MAST4: variants seen among roughly 807,000 people sequenced by gnomAD.
MAST4 encodes microtubule-associated serine/threonine-protein kinase 4.
A neutral mutation model predicts 162.7 loss-of-function variants in MAST4; 89 were observed. That is an observed-to-expected ratio of 0.55 (90% confidence interval 0.46 to 0.65). MAST4 has a LOEUF of 0.65. Among genes scored for constraint, MAST4 ranks in the 30% least tolerant of loss-of-function variants. The probability of loss-of-function intolerance (pLI) is 0.00; values close to 1 mark genes in which losing one functional copy is unlikely to be tolerated. For missense variants in MAST4, 3,153 were observed against 3,374.0 expected, an observed-to-expected ratio of 0.93 and a Z score of 1.62; for synonymous variants, 1,479 against 1,361.1, an observed-to-expected ratio of 1.09 and a Z score of -1.91.
chr5:66,950,787 G>A (rs182549366), intron 4 of MAST4, among the ~76,000 whole-genome samples: 2 of 152,012 alleles, frequency 1.3e-5, no homozygotes, highest in Non-Finnish European at 2.9e-5. Flanking sequence ...CCATTACTTT[G>A]GGTATATACC....
intron 4 of MAST4, among the ~76,000 whole-genome samples, chr5:66,966,025 GT>G (rs1746684039): frequency 2.0e-5 from 3 of 152,176 alleles, no homozygotes; most frequent in Non-Finnish European, 4.4e-5. Context: ...GTTCTTTATA[GT>G]TGGCCAACTG....
chr5:66,930,928 T>C (rs896178363), intron 4 of MAST4: 6 of 290,138 alleles, frequency 2.1e-5, no homozygotes, highest in Non-Finnish European at 4.2e-5. Context: ...TTCTTCCAGC[T>C]GCGTAGGGTA....
At chr5:66,743,758 CA>C (rs1752598835) in intron 1 of MAST4, among the ~76,000 whole-genome samples, 2 of 152,156 alleles carry the variant, frequency 1.3e-5, no homozygotes, top group South Asian at 4.1e-4. Context: ...TATGCTGTGC[CA>C]GGGGGCTGCT....
At chr5:66,919,469 T>C (rs1764338225) in intron 4 of MAST4, among the ~76,000 whole-genome samples, 1 of 151,952 alleles carries the variant, frequency 6.6e-6, no homozygotes, top group Admixed American at 6.5e-5. Context: ...GTGACCAGCC[T>C]GGCCAACATG....
intron 1 of MAST4, among the ~76,000 whole-genome samples, chr5:66,749,313 G>C (rs557773677): frequency 6.6e-6 from 1 of 152,222 alleles, no homozygotes; most frequent in East Asian, 1.9e-4. Flanking sequence ...TCCCACTGGG[G>C]CTAGGTCCCT....
In MAST4 at chr5:66,598,124, G is replaced by T. The variant is rs183817414; in HGVS notation, c.363+1106G>T. On this transcript the variant is annotated intron_variant, in intron 1 of 28. Coordinates refer to ENST00000403625, the MANE Select transcript of MAST4 (RefSeq NM_001164664.2). ...GCCCCCAGCCTGGAAGCAAAAACTG[G>T]ATGTGGCACAAGGTTGAGAGGAGGC... is the stretch of plus-strand genomic sequence containing the variant. 9.9e-5 allele frequency among the ~76,000 whole-genome samples: 15 copies of T among 152,246 alleles called. No individual in the cohort carries two copies. In the East Asian group the frequency reaches 2.7e-3, roughly 28 times the overall value.
At chr5:66,783,517 C>T (rs1477191175) in intron 2 of MAST4, 1 of 152,100 alleles carries the variant, frequency 6.6e-6, no homozygotes, top group Admixed American at 6.6e-5. Flanking sequence ...ATCTCTCTAT[C>T]CTGTTGGGCT....
chr5:67,005,193 G>T, intron 4 of MAST4: 1 of 695,034 alleles, frequency 1.4e-6, no homozygotes, highest in South Asian at 1.5e-5. Flanking sequence ...TGTATTGGGT[G>T]ACACTTTGAA....
intron 4 of MAST4, among the ~76,000 whole-genome samples, chr5:66,919,964 CCT>C (rs1764416598): frequency 6.4e-5 from 7 of 109,016 alleles, no homozygotes; most frequent in African/African-American, 1.7e-4. Flanking sequence ...TTCCTTCCTT[CCT>C]TCCTTCCTTC....
chr5:66,713,950 T>TTA (rs936269451), intron 1 of MAST4, among the ~76,000 whole-genome samples: 3 of 152,204 alleles, frequency 2.0e-5, no homozygotes, highest in Admixed American at 6.5e-5. Flanking sequence ...CATAAATACC[T>TTA]TATATATATC....
chr5:66,642,375 A>G (rs1306955844), intron 1 of MAST4, among the ~76,000 whole-genome samples: 4 of 152,218 alleles, frequency 2.6e-5, no homozygotes, highest in South Asian at 4.1e-4. Context: ...AAGTGTATCA[A>G]TTGTAATGTA....
chr5:67,119,626 G>A (rs1170901971), intron 13 of MAST4, among the ~76,000 whole-genome samples: 2 of 152,218 alleles, frequency 1.3e-5, no homozygotes, highest in Admixed American at 6.5e-5. Flanking sequence ...CACATAGTAA[G>A]TGCTAAATAA....
chr5:66,644,501 T>G (rs1038902241), intron 1 of MAST4, among the ~76,000 whole-genome samples: 2 of 152,248 alleles, frequency 1.3e-5, no homozygotes, highest in Admixed American at 1.3e-4. Context: ...CAGCTTAGTT[T>G]AGAGATTGAA....
rs756690867 is a variant in MAST4, at chr5:67,153,536, G to T, written c.3604G>T (p.Val1202Leu). Residue 1202 changes from valine (V) to leucine (L), a missense_variant, in exon 26 of 29, where the codon GTG (valine) becomes TTG (leucine). Physicochemically the swap from Val to Leu is conservative, Grantham distance 32. This residue lies in a region of MAST4 where 619 missense variants were observed against 744.2 expected (regional missense o/e 0.83). Transcript: ENST00000403625. Reference protein sequence around the residue: ...DLITHINGEPVHGLVHTEVIE... With the variant: ...DLITHINGEPLHGLVHTEVIE... ...TATCACTCACATCAATGGAGAACCAGTGCATGGACTTGTCCACACAGAAGT... is the reference window on the plus strand; with the variant it reads ...TATCACTCACATCAATGGAGAACCATTGCATGGACTTGTCCACACAGAAGT... 1 of 1,599,128 alleles carries T rather than the reference G, an allele frequency of 6.3e-7. No individual in the cohort carries two copies. Among genetic ancestry groups the T allele is most frequent in the Non-Finnish European group, 8.5e-7 (1 of 1,172,372 alleles).
At chr5:67,151,438 C>T (rs1044824955) in intron 24 of MAST4, among the ~76,000 whole-genome samples, 1 of 152,218 alleles carries the variant, frequency 6.6e-6, no homozygotes, top group African/African-American at 2.4e-5. Flanking sequence ...GACCTAATCA[C>T]CTCCCAGAGG....
At chr5:66,772,211 G>A (rs1043009161) in intron 2 of MAST4, among the ~76,000 whole-genome samples, 1 of 152,220 alleles carries the variant, frequency 6.6e-6, no homozygotes, top group Non-Finnish European at 1.5e-5. Flanking sequence ...AAGGTAAGAA[G>A]ATGGTGGGTG....
rs566167731 is a variant in MAST4, at chr5:66,659,370, A to T, written c.363+62352A>T. Among the ~76,000 whole-genome samples, 4 of 152,338 alleles carry T rather than the reference A, an allele frequency of 2.6e-5. 1 individual carries two copies. Among genetic ancestry groups the T allele is most frequent in the African/African-American group, 9.6e-5 (4 of 41,580 alleles). ...TTCATCTGATTTCGAATCTGTTTTC[A>T]CTGATGTATCACGTTGCCATATGTA... On this transcript the variant is annotated intron_variant, in intron 1 of 28. Coordinates refer to ENST00000403625, the MANE Select transcript of MAST4 (RefSeq NM_001164664.2).
At chr5:67,028,299 A>G (rs555384067) in intron 4 of MAST4, among the ~76,000 whole-genome samples, 25 of 152,282 alleles carry the variant, frequency 1.6e-4, no homozygotes, top group African/African-American at 6.0e-4. Context: ...TATCGTACAG[A>G]GACTCGAGTG....
chr5:66,806,890 C>T (rs916199625), intron 3 of MAST4, among the ~76,000 whole-genome samples: 2 of 152,116 alleles, frequency 1.3e-5, no homozygotes, highest in African/African-American at 4.8e-5. Context: ...CTTCCTTTGG[C>T]TTTCTCTCTA....
Sources: gnomAD v4.1 joint callset for allele counts (sites outside exome capture counted in the v4.1 genomes callset) on GRCh38, gnomAD v4.1.1 for gene constraint, gnomAD v4.1.1 regional missense constraint, MANE v1.5 for transcripts, NCBI Gene and HGNC (gene_info 2026-07-23, HGNC 2026-07-21) for gene names.